MYT1L: variants seen among roughly 807,000 people sequenced by gnomAD.
MYT1L encodes the protein myelin transcription factor 1 like.
Under a neutral mutation model 126.7 loss-of-function variants are expected in MYT1L, and 12 were observed. The observed-to-expected ratio is 0.09, with a 90% CI of 0.06 to 0.15. The LOEUF (loss-of-function observed/expected upper bound fraction) is 0.15, where lower values mean the gene tolerates loss of function less well. MYT1L is among the 10% of genes least tolerant of loss of function. The pLI is 1.00. For missense variants in MYT1L, 979 were observed against 1,585.2 expected, an observed-to-expected ratio of 0.62 and a Z score of 6.49; for synonymous variants, 541 against 604.2, an observed-to-expected ratio of 0.90 and a Z score of 1.53.
intron 3 of MYT1L, among the ~76,000 whole-genome samples, chr2:2,119,496 T>G (rs1374311181): frequency 1.3e-5 from 2 of 152,234 alleles, no homozygotes; most frequent in Non-Finnish European, 2.9e-5. Flanking sequence ...GAATTAAGTA[T>G]TTGAATTCTA....
Position 1,910,479 on chromosome 2 carries a change from G to C in MYT1L, c.1710-132C>G. 1.3e-6 allele frequency: 1 copy of C among 748,218 alleles called. No homozygotes were observed. Among genetic ancestry groups the C allele is most frequent in the Non-Finnish European group, 2.3e-6 (1 of 442,574 alleles). The allele number at this position is 748,218 out of a possible 1,614,324, so 46.3% of individuals were successfully genotyped here. On this transcript the variant is annotated intron_variant, in intron 12 of 24. Coordinates refer to ENST00000647738, the MANE Select transcript of MYT1L (RefSeq NM_001303052.2). This position sits in a 1 kb window ranked among gnomAD's most constrained non-coding sequence, Gnocchi z 4.8. ...GGGGTAGTTTCCCAAACCTGGCACAGGCAGTCCTGATGGGTGGACTGGGAG... is the reference window on the plus strand; with the variant it reads ...GGGGTAGTTTCCCAAACCTGGCACACGCAGTCCTGATGGGTGGACTGGGAG...
chr2:2,150,188 G>A (rs548136862), intron 3 of MYT1L, among the ~76,000 whole-genome samples: 4 of 152,206 alleles, frequency 2.6e-5, no homozygotes, highest in East Asian at 3.9e-4. Flanking sequence ...TGGGGAAGAC[G>A]GCCTTTGAAG....
chr2:2,021,889 T>A lies in MYT1L; in HGVS notation c.-157-24542A>T, dbSNP rs746978048. On this transcript the variant is annotated intron_variant, in intron 4 of 24. Coordinates refer to ENST00000647738, the MANE Select transcript of MYT1L (RefSeq NM_001303052.2). ...TCCAGCCTGGGCAACAGAGCGAGAC[T>A]CCATCTCAAAAAACAAAAAAAAAAG... Among the ~76,000 whole-genome samples the A allele has an allele frequency of 4.6e-5, 7 of 151,772 alleles. No individual in the cohort carries two copies. The South Asian group carries it at 1.5e-3, about 32-fold the overall frequency.
At chr2:1,892,499 CT>C (rs1291601176) in intron 14 of MYT1L, among the ~76,000 whole-genome samples, 2 of 148,954 alleles carry the variant, frequency 1.3e-5, no homozygotes, top group African/African-American at 2.5e-5. Flanking sequence ...TTCTTTTTTC[CT>C]TTTTCCTTTT....
chr2:2,094,193 G>A (rs2077191982), intron 3 of MYT1L, among the ~76,000 whole-genome samples: 1 of 152,198 alleles, frequency 6.6e-6, no homozygotes, highest in Non-Finnish European at 1.5e-5. Context: ...GGCCATCAGA[G>A]AAATGCAAAT....
chr2:2,231,465 T>C (rs1470168322), intron 2 of MYT1L, among the ~76,000 whole-genome samples: 1 of 152,132 alleles, frequency 6.6e-6, no homozygotes, highest in Non-Finnish European at 1.5e-5. Flanking sequence ...TGAGATAGGG[T>C]CTGGCTTTGT....
chr2:1,927,404 A>G (rs534324720), intron 9 of MYT1L, among the ~76,000 whole-genome samples: 5 of 152,378 alleles, frequency 3.3e-5, no homozygotes, highest in Admixed American at 3.3e-4. Flanking sequence ...TTACAATTAG[A>G]AAATGAAAAC....
At chr2:1,861,145 C>T (rs1248623466) in intron 18 of MYT1L, among the ~76,000 whole-genome samples, 1 of 152,174 alleles carries the variant, frequency 6.6e-6, no homozygotes, top group Admixed American at 6.5e-5. Context: ...TCTGTGGGGT[C>T]AGACACAGAC....
chr2:2,261,553 G>A (rs1352629405), intron 2 of MYT1L, among the ~76,000 whole-genome samples: 1 of 152,164 alleles, frequency 6.6e-6, no homozygotes, highest in Middle Eastern at 3.2e-3. Context: ...CTATCAATAG[G>A]GAGTTGGCAG....
intron 1 of MYT1L, among the ~76,000 whole-genome samples, chr2:2,301,199 C>A (rs1325896097): frequency 2.6e-5 from 4 of 152,170 alleles, no homozygotes; most frequent in African/African-American, 9.7e-5. Flanking sequence ...CAGTGTTTCA[C>A]CCTCCCCTAC....
At chr2:2,071,011 A>G (rs2074533169) in intron 3 of MYT1L, among the ~76,000 whole-genome samples, 1 of 152,206 alleles carries the variant, frequency 6.6e-6, no homozygotes, top group Non-Finnish European at 1.5e-5. Context: ...AGCTGTGTTA[A>G]TAATAGTGGG....
chr2:2,187,504 T>C (rs1021191729), intron 2 of MYT1L, among the ~76,000 whole-genome samples: 1 of 151,776 alleles, frequency 6.6e-6, no homozygotes, highest in Non-Finnish European at 1.5e-5. Context: ...CAGCTCAGTA[T>C]TGATGAGCGG....
intron 8 of MYT1L, among the ~76,000 whole-genome samples, chr2:1,968,206 C>T (rs535214633): frequency 6.6e-6 from 1 of 152,180 alleles, no homozygotes; most frequent in East Asian, 1.9e-4. Context: ...GACTCTCCAG[C>T]CTTCCTGACG....
chr2:1,998,458 G>A (rs2062060621), intron 4 of MYT1L, among the ~76,000 whole-genome samples: 1 of 152,104 alleles, frequency 6.6e-6, no homozygotes, highest in South Asian at 2.1e-4. Context: ...CCTTCGACCT[G>A]GAAACTAACC....
chr2:1,965,896 A>T (rs1415807448), intron 8 of MYT1L, among the ~76,000 whole-genome samples: 1 of 152,220 alleles, frequency 6.6e-6, no homozygotes, highest in Non-Finnish European at 1.5e-5. Context: ...CTGCTCACAG[A>T]TCCGAGGCTG....
chr2:2,155,125 C>CTCAATCAATCAA (rs150086146), intron 3 of MYT1L, among the ~76,000 whole-genome samples: 1 of 152,016 alleles, frequency 6.6e-6, no homozygotes, highest in African/African-American at 2.4e-5. Context: ...GAAACTCCAT[C>CTCAATCAATCAA]TCAATCAATC....
intron 13 of MYT1L, among the ~76,000 whole-genome samples, chr2:1,905,835 A>G (rs992531237): frequency 2.0e-5 from 3 of 152,196 alleles, no homozygotes; most frequent in Non-Finnish European, 4.4e-5. Context: ...ATGTGCAAAC[A>G]ATATTTTGAT....
At chr2:1,830,231 C>T (rs2039951752) in intron 21 of MYT1L, among the ~76,000 whole-genome samples, 1 of 152,182 alleles carries the variant, frequency 6.6e-6, no homozygotes. Context: ...GCAGCCTGGA[C>T]CTGAGCCCTG....
intron 3 of MYT1L, among the ~76,000 whole-genome samples, chr2:2,142,400 G>A (rs891508610): frequency 6.6e-6 from 1 of 152,086 alleles, no homozygotes; most frequent in Non-Finnish European, 1.5e-5. Flanking sequence ...CAACTTTACA[G>A]ATATTTTAAT....
Sources: allele counts gnomAD v4.1 joint callset (sites outside exome capture counted in the v4.1 genomes callset), GRCh38; gene constraint gnomAD v4.1.1; non-coding constraint Gnocchi (gnomAD v3.1); transcripts MANE v1.5; gene names NCBI Gene and HGNC (gene_info 2026-07-23, HGNC 2026-07-21).